NR3C1: variants seen among roughly 807,000 people sequenced by gnomAD.
NR3C1 encodes glucocorticoid receptor.
Under a neutral mutation model 74.0 loss-of-function variants are expected in NR3C1, and 14 were observed. That is an observed-to-expected ratio of 0.19 (90% CI 0.12 to 0.30). The LOEUF (loss-of-function observed/expected upper bound fraction) is 0.30, where lower values mean the gene tolerates loss of function less well. NR3C1 is among the 10% of genes least tolerant of loss of function. NR3C1 has a pLI of 1.00. For synonymous variants in NR3C1, 308 were observed against 332.5 expected (o/e 0.93, Z 0.80); for missense variants, 695 against 909.8 (o/e 0.76, Z 3.04).
Position 143,400,287 on chromosome 5 carries a change from T to C in NR3C1, c.553A>G (p.Thr185Ala). 6.2e-7 allele frequency: 1 copy of C among 1,607,654 alleles called. No individual in the cohort carries two copies. The highest frequency in any genetic ancestry group is 8.5e-7 in the Non-Finnish European group (1 of 1,176,692). Reference protein sequence around the residue: ...GTNGGNVKLYTTDQSTFDILQ... With the variant: ...GTNGGNVKLYATDQSTFDILQ... ...ATGTCAAAGGTGCTTTGGTCTGTGG[T>C]ATACAATTTCACATTGCCACCGTTG... is the stretch of plus-strand genomic sequence containing the variant. The change falls in exon 2 of 9, where the codon ACC (threonine) becomes GCC (alanine). Residue 185 changes from threonine (T) to alanine (A), a missense_variant. By Grantham distance (58) the Thr-to-Ala change is moderately conservative. This residue lies in a region of NR3C1 where 497 missense variants were observed against 489.5 expected (regional missense o/e 1.02). Transcript: ENST00000394464.
At chr5:143,290,466 C>T (rs1438546244) in intron 7 of NR3C1, among the ~76,000 whole-genome samples, 1 of 152,236 alleles carries the variant, frequency 6.6e-6, no homozygotes, top group Admixed American at 6.5e-5. Context: ...CCTTTTACTT[C>T]AGCCTTTCAA....
intron 1 of NR3C1, among the ~76,000 whole-genome samples, chr5:143,429,596 G>A (rs1197717499): frequency 3.9e-5 from 6 of 152,108 alleles, no homozygotes; most frequent in African/African-American, 1.4e-4. Flanking sequence ...AACCTGGTGG[G>A]CACTAAATCA....
At chr5:143,322,362 C>A (rs1350223088) in intron 2 of NR3C1, among the ~76,000 whole-genome samples, 1 of 152,144 alleles carries the variant, frequency 6.6e-6, no homozygotes, top group Non-Finnish European at 1.5e-5. Context: ...GAGGTATATC[C>A]AGGCCTTCAA....
At chr5:143,326,217 G>A (rs780561378) in intron 2 of NR3C1, among the ~76,000 whole-genome samples, 2 of 152,232 alleles carry the variant, frequency 1.3e-5, no homozygotes, top group Non-Finnish European at 2.9e-5. Flanking sequence ...ACTGTTGCCT[G>A]GCAGGGGCCT....
intron 2 of NR3C1, among the ~76,000 whole-genome samples, chr5:143,357,702 G>T (rs1831415270): frequency 6.6e-6 from 1 of 152,124 alleles, no homozygotes; most frequent in Non-Finnish European, 1.5e-5. Flanking sequence ...CTCCAAAATA[G>T]AATTTCTAAC....
At chr5:143,370,557 T>C (rs761964041) in intron 2 of NR3C1, among the ~76,000 whole-genome samples, 46 of 152,244 alleles carry the variant, frequency 3.0e-4, no homozygotes, top group Non-Finnish European at 5.1e-4. Flanking sequence ...TCATGAGACA[T>C]GAAGCCAACA....
At chr5:143,310,278 C>G in intron 3 of NR3C1, 65 bp from the exon 4 acceptor site, 1 of 1,165,198 alleles carries the variant, frequency 8.6e-7, no homozygotes, top group Non-Finnish European at 1.3e-6. Flanking sequence ...TAAGGACAGC[C>G]TCTGTCTTTG....
chr5:143,334,680 A>ACTCC (rs1447192373), intron 2 of NR3C1, among the ~76,000 whole-genome samples: 1 of 151,958 alleles, frequency 6.6e-6, no homozygotes, highest in Non-Finnish European at 1.5e-5. Context: ...TGAAATACAC[A>ACTCC]TAGGAAGAAA....
intron 2 of NR3C1, among the ~76,000 whole-genome samples, chr5:143,324,759 C>T (rs1031414938): frequency 2.6e-5 from 4 of 152,146 alleles, no homozygotes; most frequent in South Asian, 2.1e-4. Context: ...TTAACAGCAC[C>T]GAAGTCACCT....
intron 2 of NR3C1, among the ~76,000 whole-genome samples, chr5:143,324,412 G>T (rs1561568043): frequency 6.6e-6 from 1 of 152,178 alleles, no homozygotes; most frequent in African/African-American, 2.4e-5. Flanking sequence ...CTCTATATTG[G>T]CTCCTTTCAG....
intron 4 of NR3C1, 96 bp downstream of exon 4, chr5:143,310,001 C>A: frequency 1.1e-6 from 1 of 919,430 alleles, no homozygotes; most frequent in East Asian, 2.4e-5. Context: ...GAACTGACTA[C>A]ATTAATTACA....
chr5:143,307,734 G>A (rs1819941716), intron 4 of NR3C1, among the ~76,000 whole-genome samples: 1 of 152,220 alleles, frequency 6.6e-6, no homozygotes, highest in South Asian at 2.1e-4. Context: ...AAAAACTCAA[G>A]TGTCTTAATA....
At chr5:143,409,312 T>TA (rs1423154707) in intron 1 of NR3C1, 1 of 152,256 alleles carries the variant, frequency 6.6e-6, no homozygotes, top group Non-Finnish European at 1.5e-5. Flanking sequence ...TATTTCCTCT[T>TA]ACATAAGCAT....
intron 2 of NR3C1, among the ~76,000 whole-genome samples, chr5:143,324,412 G>A (rs1561568043): frequency 6.6e-6 from 1 of 152,178 alleles, no homozygotes; most frequent in African/African-American, 2.4e-5. Context: ...CTCTATATTG[G>A]CTCCTTTCAG....
intron 2 of NR3C1, among the ~76,000 whole-genome samples, chr5:143,316,055 G>A (rs192628202): frequency 6.8e-4 from 104 of 152,288 alleles, no homozygotes; most frequent in Non-Finnish European, 1.1e-3. Context: ...AGATTTGGGC[G>A]AGTGGACTGA....
At chr5:143,332,309 A>G (rs1292775543) in intron 2 of NR3C1, among the ~76,000 whole-genome samples, 1 of 142,334 alleles carries the variant, frequency 7.0e-6, no homozygotes, top group Non-Finnish European at 1.5e-5. Context: ...GGGCACTTTG[A>G]GTGTTTTTTT....
At chr5:143,337,494 A>C (rs1000708676) in intron 2 of NR3C1, among the ~76,000 whole-genome samples, 1 of 152,248 alleles carries the variant, frequency 6.6e-6, no homozygotes, top group Non-Finnish European at 1.5e-5. Flanking sequence ...ATACTTGTAA[A>C]TAAATTAATG....
At chr5:143,327,870 C>T (rs555861409) in intron 2 of NR3C1, among the ~76,000 whole-genome samples, 1 of 152,360 alleles carries the variant, frequency 6.6e-6, no homozygotes, top group African/African-American at 2.4e-5. Context: ...TGTGGCTTTT[C>T]CAGACGTATA....
At chr5:143,305,090 A>G (rs561968837) in intron 4 of NR3C1, among the ~76,000 whole-genome samples, 2 of 152,290 alleles carry the variant, frequency 1.3e-5, no homozygotes, top group East Asian at 1.9e-4. Context: ...AACTATCACA[A>G]TCTACAGAAT....
Sources: gnomAD v4.1 joint callset for allele counts (sites outside exome capture counted in the v4.1 genomes callset) on GRCh38, gnomAD v4.1.1 for gene constraint, gnomAD v4.1.1 regional missense constraint, MANE v1.5 for transcripts, NCBI Gene and HGNC (gene_info 2026-07-23, HGNC 2026-07-21) for gene names.